The following MTR variants were observed in gnomAD, a reference collection of about 807,000 sequenced individuals.
The protein encoded by MTR is 5-methyltetrahydrofolate-homocysteine methyltransferase.
MTR carries 84 observed loss-of-function variants against 154.8 expected under a neutral mutation model. The ratio of observed to expected loss-of-function variants is 0.54; its 90% CI spans 0.45 to 0.65. MTR has a LOEUF of 0.65. MTR is among the 30% of genes least tolerant of loss of function. MTR has a pLI of 0.00. For missense variants in MTR, 1,275 were observed against 1,570.2 expected (o/e 0.81, Z 3.18); for synonymous variants, 554 against 553.9 (o/e 1.00, Z 0.00).
chr1:236,797,782 A>G (rs1660476815), intron 1 of MTR, among the ~76,000 whole-genome samples: 1 of 152,016 alleles, frequency 6.6e-6, no homozygotes, highest in Admixed American at 6.6e-5. Flanking sequence ...AACATGGTGA[A>G]ACCCCATCTG....
chr1:236,895,843 C>T (rs1666594820), intron 31 of MTR, among the ~76,000 whole-genome samples: 1 of 152,186 alleles, frequency 6.6e-6, no homozygotes, highest in African/African-American at 2.4e-5. Flanking sequence ...CCCCAGTTTC[C>T]TGTCACAGGC....
chr1:236,886,216 C>A, intron 26 of MTR, 76 bp from the exon 27 acceptor site: 2 of 1,173,232 alleles, frequency 1.7e-6, no homozygotes, highest in Non-Finnish European at 2.5e-6. Flanking sequence ...TACATACTGG[C>A]CTTCTTGGAC....
chr1:236,808,450 A>G (rs1024707896), intron 3 of MTR, among the ~76,000 whole-genome samples: 1 of 152,096 alleles, frequency 6.6e-6, no homozygotes, highest in Non-Finnish European at 1.5e-5. Flanking sequence ...ATGTCTAGGG[A>G]TTGCCCTTTT....
intron 21 of MTR, among the ~76,000 whole-genome samples, 184 bp from the exon 22 acceptor site, chr1:236,863,258 TTGGCTGAAGCCC>T (rs1409306169): frequency 6.6e-6 from 1 of 152,282 alleles, no homozygotes; most frequent in Admixed American, 6.5e-5. Context: ...CCTCCTGATC[TTGGCTGAAGCCC>T]CTTGGGCTAG....
chr1:236,817,880 T>C (rs1292521380), intron 8 of MTR, among the ~76,000 whole-genome samples: 1 of 152,222 alleles, frequency 6.6e-6, no homozygotes, highest in Non-Finnish European at 1.5e-5. Flanking sequence ...GATGACCTCC[T>C]TTACAGCTTA....
chr1:236,860,203 A>C (rs998099851), intron 19 of MTR, among the ~76,000 whole-genome samples: 12 of 151,666 alleles, frequency 7.9e-5, no homozygotes, highest in African/African-American at 2.9e-4. Context: ...TGCAGTGCCC[A>C]GGACAGCCCC....
intron 14 of MTR, among the ~76,000 whole-genome samples, chr1:236,836,849 A>G (rs1294263742): frequency 1.3e-5 from 2 of 152,308 alleles, no homozygotes; most frequent in African/African-American, 2.4e-5. Flanking sequence ...AGTATTGGGA[A>G]GAGGGTAGAC....
Position 236,798,006 on chromosome 1 carries a change from G to A in MTR, c.34+2269G>A, listed in dbSNP as rs1572173801. 2.0e-5 allele frequency among the ~76,000 whole-genome samples: 3 copies of A among 151,736 alleles called. No homozygotes were observed. In the East Asian group the frequency reaches 5.8e-4, roughly 29 times the overall value. Reference sequence around the variant, plus strand: ...AACAAAACCAAAAAAACAAAGTGTAGCAAGTCTGTGCAAACTAGAAATTAG... The same window carrying A: ...AACAAAACCAAAAAAACAAAGTGTAACAAGTCTGTGCAAACTAGAAATTAG... On this transcript the variant is annotated intron_variant, in intron 1 of 32. Coordinates refer to ENST00000366577, the MANE Select transcript of MTR (RefSeq NM_000254.3).
intron 13 of MTR, among the ~76,000 whole-genome samples, chr1:236,832,969 A>G (rs1662702160): frequency 6.6e-6 from 1 of 152,206 alleles, no homozygotes; most frequent in South Asian, 2.1e-4. Flanking sequence ...GCTGCTGTCC[A>G]GTGCTCCTGT....
At chr1:236,799,100 A>G (rs890157197) in intron 1 of MTR, among the ~76,000 whole-genome samples, 6 of 152,098 alleles carry the variant, frequency 3.9e-5, no homozygotes, top group African/African-American at 1.4e-4. Flanking sequence ...AAAATAAGCA[A>G]GTAGTTGAGG....
chr1:236,897,872 C>T lies in MTR; in HGVS notation c.*228C>T. 1 of 559,404 alleles carries T rather than the reference C, an allele frequency of 1.8e-6. No individual in the cohort carries two copies. Among genetic ancestry groups the T allele is most frequent in the South Asian group, 2.1e-5 (1 of 48,104 alleles). The allele number at this position is 559,404 out of a possible 1,614,324, so 34.7% of individuals were successfully genotyped here. On this transcript the variant is annotated 3_prime_UTR_variant, in exon 33 of 33. Coordinates refer to ENST00000366577, the MANE Select transcript of MTR (RefSeq NM_000254.3). ...GGGACCTTGCGTGAAGAGCAGTGAGCAGGGTTCCTGTGGTTTCCCTGGTCC... is the reference window on the plus strand; with the variant it reads ...GGGACCTTGCGTGAAGAGCAGTGAGTAGGGTTCCTGTGGTTTCCCTGGTCC...
rs1007297797 is a variant in MTR at position 236,901,059 on chromosome 1, T to TGGA, written c.*3427_*3429dup. On this transcript the variant is annotated 3_prime_UTR_variant, in exon 33 of 33. Transcript: ENST00000366577. ...TGGAGCATATGAGGAGAAGAGAATC[T>TGGA]GGAGGAGGAGGAGGGGGAGCCAGCA... 4 of 153,272 alleles carry TGGA rather than the reference T, an allele frequency of 2.6e-5. No individual in the cohort carries two copies. The highest frequency in any genetic ancestry group is 6.5e-5 in the Admixed American group (1 of 15,270). 9.5% of individuals were successfully genotyped at this position (153,272 alleles called of 1,614,324 possible).
intron 8 of MTR, chr1:236,820,207 G>T: frequency 1.3e-6 from 1 of 758,940 alleles, no homozygotes; most frequent in South Asian, 1.3e-5. Flanking sequence ...CATTTCCTGT[G>T]AACACTTGCG....
In MTR at chr1:236,826,232, T is replaced by G. The variant is rs144350053; in HGVS notation, c.928-597T>G. Among the ~76,000 whole-genome samples the G allele has an allele frequency of 1.9e-3, 282 of 152,352 alleles. 4 individuals are homozygous for G. In the Middle Eastern group the frequency reaches 0.048, roughly 26 times the overall value. On this transcript the variant is annotated intron_variant, in intron 10 of 32. Coordinates refer to ENST00000366577, the MANE Select transcript of MTR (RefSeq NM_000254.3). ...TTGAAAATGTGTTATCCAACTCATA[T>G]TCATTCAGCTCAGCATGTGGGTAAA... is the stretch of plus-strand genomic sequence containing the variant.
intron 15 of MTR, among the ~76,000 whole-genome samples, chr1:236,842,375 GTTTTC>G (rs1254888710): frequency 6.6e-6 from 1 of 151,992 alleles, no homozygotes; most frequent in Non-Finnish European, 1.5e-5. Context: ...TCCTTGAGTT[GTTTTC>G]TTTTCTTTTT....
At chr1:236,872,300 G>T (rs1038307041) in intron 22 of MTR, among the ~76,000 whole-genome samples, 3 of 152,130 alleles carry the variant, frequency 2.0e-5, no homozygotes, top group Non-Finnish European at 4.4e-5. Flanking sequence ...CCCAGCGCCT[G>T]TTCTCCTGTG....
intron 1 of MTR, among the ~76,000 whole-genome samples, chr1:236,803,213 C>G (rs1377667426): frequency 5.9e-5 from 9 of 152,112 alleles, no homozygotes; most frequent in African/African-American, 2.2e-4. Context: ...TCGTGCTTCA[C>G]CAGGAATTTT....
chr1:236,826,777 G>C, intron 10 of MTR, 52 bp from the exon 11 acceptor site: 1 of 1,438,844 alleles, frequency 7.0e-7, no homozygotes, highest in Non-Finnish European at 9.8e-7. Context: ...TGGTGGTAAT[G>C]AGTTTAGAAT....
At chr1:236,895,026 C>G (rs1198672352) in intron 30 of MTR, 2 of 399,644 alleles carry the variant, frequency 5.0e-6, no homozygotes, top group Non-Finnish European at 9.4e-6. Context: ...AGTGGAGGAA[C>G]TAGCAGCTGT....
Sources: allele counts gnomAD v4.1 joint callset (sites outside exome capture counted in the v4.1 genomes callset), GRCh38; gene constraint gnomAD v4.1.1; transcripts MANE v1.5; gene names NCBI Gene and HGNC (gene_info 2026-07-23, HGNC 2026-07-21).